Variants in SPAG16 observed in about 807,000 individuals in gnomAD.
SPAG16 encodes sperm associated antigen 16, also known as sperm-associated antigen 16 protein.
A neutral mutation model predicts 80.4 loss-of-function variants in SPAG16; 86 were observed. The observed-to-expected ratio is 1.07, with a 90% confidence interval of 0.90 to 1.28. The LOEUF is 1.28. Ranked by LOEUF, SPAG16 falls within the 50% of genes most tolerant of loss-of-function variation. SPAG16 has a pLI of 0.00. For missense variants in SPAG16, 870 were observed against 765.3 expected (o/e 1.14, Z -1.61); for synonymous variants, 294 against 265.9 (o/e 1.11, Z -1.03).
chr2:213,882,893 C>T lies in SPAG16; in HGVS notation c.1214+20265C>T, dbSNP rs561361367. Reference sequence around the variant, plus strand: ...TCTTTTTGTTTTTGTTTTTTTGAGACGGAGTCTCGCTCCTCTTCTCCCAGG... The same window carrying T: ...TCTTTTTGTTTTTGTTTTTTTGAGATGGAGTCTCGCTCCTCTTCTCCCAGG... On this transcript the variant is annotated intron_variant, in intron 11 of 15. Coordinates refer to ENST00000331683, the MANE Select transcript of SPAG16 (RefSeq NM_024532.5). Among the ~76,000 whole-genome samples, 16 of 151,940 alleles carry T rather than the reference C, an allele frequency of 1.1e-4. No individual in the cohort carries two copies. In the East Asian group the frequency reaches 2.5e-3, roughly 24 times the overall value.
intron 12 of SPAG16, among the ~76,000 whole-genome samples, chr2:213,969,782 G>T (rs1180786731): frequency 1.3e-5 from 2 of 151,872 alleles, no homozygotes; most frequent in Middle Eastern, 3.4e-3. Context: ...CTGAGCTCAG[G>T]TGTCAGTTTA....
chr2:214,086,426 C>T (rs890173420), intron 13 of SPAG16, among the ~76,000 whole-genome samples: 10 of 152,156 alleles, frequency 6.6e-5, no homozygotes, highest in Admixed American at 5.2e-4. Flanking sequence ...AATTGTAATC[C>T]GAATTGTAAT....
At chr2:214,312,098 T>C (rs1695378809) in intron 15 of SPAG16, among the ~76,000 whole-genome samples, 1 of 152,244 alleles carries the variant, frequency 6.6e-6, no homozygotes, top group South Asian at 2.1e-4. Context: ...AAAAATATTT[T>C]ACATGGGTTT....
intron 6 of SPAG16, among the ~76,000 whole-genome samples, chr2:213,346,858 G>GATA (rs2065023642): frequency 6.6e-6 from 1 of 151,504 alleles, no homozygotes; most frequent in South Asian, 2.1e-4. Context: ...TTTTTGTTGT[G>GATA]TCTCTGCCAG....
intron 10 of SPAG16, among the ~76,000 whole-genome samples, chr2:213,684,233 C>T (rs911644670): frequency 5.3e-5 from 8 of 152,164 alleles, no homozygotes; most frequent in Admixed American, 2.0e-4. Flanking sequence ...TCACAAAAAA[C>T]GTGTGACTAA....
At chr2:213,761,316 C>T (rs2068644825) in intron 10 of SPAG16, among the ~76,000 whole-genome samples, 1 of 152,034 alleles carries the variant, frequency 6.6e-6, no homozygotes, top group Non-Finnish European at 1.5e-5. Flanking sequence ...TTAAAGATCT[C>T]AAGTCAACAA....
At chr2:214,375,002 C>A (rs1700045585) in intron 15 of SPAG16, among the ~76,000 whole-genome samples, 1 of 152,016 alleles carries the variant, frequency 6.6e-6, no homozygotes, top group Admixed American at 6.6e-5. Context: ...TTTAAAATAC[C>A]CTTAAGATAA....
chr2:213,930,631 T>TA (rs1226297043), intron 12 of SPAG16, among the ~76,000 whole-genome samples: 80 of 152,346 alleles, frequency 5.3e-4, no homozygotes, highest in African/African-American at 1.9e-3. Context: ...TAGGAAATAG[T>TA]ATACTGTATT....
intron 11 of SPAG16, among the ~76,000 whole-genome samples, chr2:213,885,513 T>C (rs889273046): frequency 6.6e-6 from 1 of 152,206 alleles, no homozygotes; most frequent in Non-Finnish European, 1.5e-5. Flanking sequence ...CAAAAATTAA[T>C]TAGTTACAGT....
At chr2:213,980,298 T>C (rs1405270449) in intron 12 of SPAG16, among the ~76,000 whole-genome samples, 1,485 of 37,478 alleles carry the variant, frequency 0.04, 273 homozygotes, top group South Asian at 0.13. Context: ...TATGTGTGTA[T>C]ATATATTCTC....
intron 14 of SPAG16, among the ~76,000 whole-genome samples, chr2:214,123,119 TA>T (rs1165796405): frequency 6.6e-6 from 1 of 151,856 alleles, no homozygotes; most frequent in Non-Finnish European, 1.5e-5. Flanking sequence ...AAGCAGCCAT[TA>T]AAAAAATTAA....
chr2:214,073,024 T>C (rs1034495785), intron 13 of SPAG16, among the ~76,000 whole-genome samples: 8 of 152,142 alleles, frequency 5.3e-5, no homozygotes, highest in Non-Finnish European at 1.0e-4. Flanking sequence ...TGGTTCATTA[T>C]TCCTTTTAGA....
At chr2:213,974,663 A>G (rs963047950) in intron 12 of SPAG16, among the ~76,000 whole-genome samples, 1 of 152,124 alleles carries the variant, frequency 6.6e-6, no homozygotes, top group African/African-American at 2.4e-5. Context: ...TATGCTTTCT[A>G]TAAGTATATT....
At chr2:214,215,281 C>A (rs1469101042) in intron 15 of SPAG16, among the ~76,000 whole-genome samples, 1 of 152,078 alleles carries the variant, frequency 6.6e-6, no homozygotes, top group African/African-American at 2.4e-5. Context: ...TGTTAACCAA[C>A]CTTCCTCAAG....
intron 8 of SPAG16, among the ~76,000 whole-genome samples, chr2:213,371,788 T>C (rs1417226031): frequency 6.6e-6 from 1 of 152,220 alleles, no homozygotes; most frequent in Non-Finnish European, 1.5e-5. Context: ...ATTTTAAACA[T>C]ACTTTTTTGA....
chr2:214,182,279 T>G (rs754000016), intron 15 of SPAG16, among the ~76,000 whole-genome samples: 45 of 151,836 alleles, frequency 3.0e-4, no homozygotes, highest in Non-Finnish European at 6.2e-4. Context: ...CTTATAAGTT[T>G]GAGACTCTGG....
chr2:213,313,246 G>C (rs2063271472), intron 4 of SPAG16, among the ~76,000 whole-genome samples: 1 of 151,744 alleles, frequency 6.6e-6, no homozygotes, highest in Non-Finnish European at 1.5e-5. Flanking sequence ...TATTAAGAGA[G>C]CAGCCATTTA....
intron 2 of SPAG16, 126 bp from the exon 3 acceptor site, chr2:213,297,136 C>T: frequency 2.7e-6 from 4 of 1,473,632 alleles, no homozygotes; most frequent in Non-Finnish European, 3.6e-6. Flanking sequence ...TTCAGAATGA[C>T]ATGGTATTTT....
At chr2:213,710,202 T>C (rs2065922872) in intron 10 of SPAG16, among the ~76,000 whole-genome samples, 1 of 151,910 alleles carries the variant, frequency 6.6e-6, no homozygotes, top group African/African-American at 2.4e-5. Context: ...GAGAATCACT[T>C]GAACCCAGGA....
Sources: allele counts gnomAD v4.1 joint callset (sites outside exome capture counted in the v4.1 genomes callset), GRCh38; gene constraint gnomAD v4.1.1; transcripts MANE v1.5; gene names NCBI Gene and HGNC (gene_info 2026-07-23, HGNC 2026-07-21).